The following PPP4R3A variants were observed in gnomAD, a reference collection of about 807,000 sequenced individuals.
PPP4R3A encodes the protein serine/threonine-protein phosphatase 4 regulatory subunit 3A.
A neutral mutation model predicts 91.7 loss-of-function variants in PPP4R3A; 15 were observed. That is an observed-to-expected ratio of 0.16 (90% confidence interval 0.11 to 0.25). PPP4R3A has a LOEUF of 0.25. PPP4R3A is among the 10% of genes least tolerant of loss of function. The pLI, the probability that PPP4R3A is intolerant of heterozygous loss-of-function variation, is 1.00. For missense variants in PPP4R3A, 623 were observed against 998.4 expected (o/e 0.62, Z 5.07); for synonymous variants, 377 against 348.7 (o/e 1.08, Z -0.91).
intron 1 of PPP4R3A, among the ~76,000 whole-genome samples, chr14:91,495,262 A>G (rs1442953998): frequency 2.7e-5 from 4 of 147,470 alleles, no homozygotes; most frequent in Non-Finnish European, 3.0e-5. Context: ...ATATGAAATT[A>G]AAGAAGCCCA....
chr14:91,479,674 T>C (rs1889434432), intron 4 of PPP4R3A, among the ~76,000 whole-genome samples: 1 of 152,174 alleles, frequency 6.6e-6, no homozygotes. Flanking sequence ...CTCCCGAGTC[T>C]GGGATTACAG....
At chr14:91,475,462 A>G (rs966348339) in intron 7 of PPP4R3A, 4 of 228,390 alleles carry the variant, frequency 1.8e-5, no homozygotes, top group Admixed American at 1.1e-4. Flanking sequence ...AATCTACCCT[A>G]AAGTCAATGT....
chr14:91,509,787 G>A lies in PPP4R3A; in HGVS notation c.-140C>T. ...CACTGCCGCCGCTGGGCGCCGCGGG[G>A]CCGCGCCGCCGCCTGCATGGCCCGC... On this transcript the variant is annotated 5_prime_UTR_variant, in exon 1 of 15. Coordinates refer to ENST00000554943, the MANE Select transcript of PPP4R3A (RefSeq NM_001366432.2). The A allele has an allele frequency of 4.8e-6, 6 of 1,250,444 alleles. No individual in the cohort carries two copies. Among genetic ancestry groups the A allele is most frequent in the Non-Finnish European group, 6.0e-6 (6 of 1,001,726 alleles). The allele number at this position is 1,250,444 out of a possible 1,614,324, so 77.5% of individuals were successfully genotyped here. A position where few individuals can be genotyped will look rare whatever the true frequency, so the allele number is the denominator to read the frequency against.
rs757121424 is a variant in PPP4R3A at position 91,500,513 on chromosome 14, T to C, written c.142+8993A>G. Among the ~76,000 whole-genome samples, 52 of 152,162 alleles carry C rather than the reference T, an allele frequency of 3.4e-4. 1 individual carries two copies. Among genetic ancestry groups the C allele is most frequent in the Admixed American group, 5.2e-4 (8 of 15,266 alleles). The stretch of plus-strand genomic sequence containing the variant: ...CGCGCCTGGCCTCAATACTTGTTTT[T>C]TTAGGGCATCATCATACAGTCATTT... On this transcript the variant is annotated intron_variant, in intron 1 of 14. Coordinates refer to ENST00000554943, the MANE Select transcript of PPP4R3A (RefSeq NM_001366432.2).
At chr14:91,484,121 T>C (rs1037656974) in intron 3 of PPP4R3A, among the ~76,000 whole-genome samples, 22 of 152,254 alleles carry the variant, frequency 1.4e-4, no homozygotes, top group Admixed American at 3.3e-4. Flanking sequence ...ATAAATATAA[T>C]TGTTGGATGG....
chr14:91,478,787 C>A (rs569000344), intron 4 of PPP4R3A, among the ~76,000 whole-genome samples: 47 of 152,238 alleles, frequency 3.1e-4, no homozygotes, highest in African/African-American at 1.1e-3. Context: ...ACAAAATTTT[C>A]TAAACAGGAA....
chr14:91,495,753 T>C (rs938474327), intron 1 of PPP4R3A, among the ~76,000 whole-genome samples: 3 of 151,924 alleles, frequency 2.0e-5, no homozygotes, highest in Non-Finnish European at 2.9e-5. Flanking sequence ...CTTGTCTCTA[T>C]AAAAAAATTT....
intron 14 of PPP4R3A, among the ~76,000 whole-genome samples, chr14:91,460,436 A>G (rs1276414341): frequency 3.4e-5 from 5 of 149,150 alleles, no homozygotes; most frequent in Non-Finnish European, 6.0e-5. Context: ...CTCACGCCAG[A>G]AAAAAAAAAG....
intron 3 of PPP4R3A, among the ~76,000 whole-genome samples, chr14:91,485,418 G>A (rs1889823426): frequency 6.6e-6 from 1 of 152,184 alleles, no homozygotes; most frequent in African/African-American, 2.4e-5. Flanking sequence ...TTTCAAAAAG[G>A]CAGGTGGATA....
At chr14:91,469,776 C>T (rs531379997) in intron 10 of PPP4R3A, among the ~76,000 whole-genome samples, 1 of 152,154 alleles carries the variant, frequency 6.6e-6, no homozygotes, top group African/African-American at 2.4e-5. Flanking sequence ...GTTACCCAGG[C>T]TGGCCTAGAA....
intron 1 of PPP4R3A, among the ~76,000 whole-genome samples, chr14:91,505,218 TGAG>T (rs1396917543): frequency 6.6e-6 from 1 of 151,996 alleles, no homozygotes; most frequent in African/African-American, 2.4e-5. Context: ...TTTGGGAGGC[TGAG>T]GAGGGCGGAT....
intron 5 of PPP4R3A, 122 bp from the exon 6 acceptor site, chr14:91,476,646 A>G: frequency 1.4e-6 from 1 of 713,288 alleles, no homozygotes; most frequent in Non-Finnish European, 2.3e-6. Flanking sequence ...GCTCACTGCA[A>G]CCTCCACCTC....
chr14:91,476,975 T>C lies in PPP4R3A; in HGVS notation c.927A>G (p.Lys309=), dbSNP rs745394018. 1 of 1,600,214 alleles carries C rather than the reference T, an allele frequency of 6.2e-7. No individual in the cohort carries two copies. The highest frequency in any genetic ancestry group is 1.1e-5 in the South Asian group (1 of 89,060). The change falls in exon 5 of 15, where the codon AAA becomes AAG. Residue 309 remains lysine, a synonymous_variant. Coordinates refer to ENST00000554943, the MANE Select transcript of PPP4R3A (RefSeq NM_001366432.2). ...EIVGMLQEDE[K]FLTDLFAQLT... The stretch of plus-strand genomic sequence containing the variant: ...GTTGTGCAAACAAATCTGTCAGAAA[T>C]TTTTCATCTTCCTGTGAAACAAAGG...
chr14:91,458,697 A>T lies in PPP4R3A; in HGVS notation c.*62T>A. 6.2e-7 allele frequency: 1 copy of T among 1,612,404 alleles called. No individual in the cohort carries two copies. The highest frequency in any genetic ancestry group is 1.1e-5 in the South Asian group (1 of 90,880). The stretch of plus-strand genomic sequence containing the variant: ...CACTGCGCTTTGTTGTGGATTTTGT[A>T]TGGGGGAGGGGTGGAGAACCAGTTT... On this transcript the variant is annotated 3_prime_UTR_variant, in exon 15 of 15. Coordinates refer to ENST00000554943, the MANE Select transcript of PPP4R3A (RefSeq NM_001366432.2).
intron 10 of PPP4R3A, among the ~76,000 whole-genome samples, chr14:91,467,366 G>C (rs1009578579): frequency 2.6e-5 from 4 of 152,186 alleles, no homozygotes; most frequent in Non-Finnish European, 5.9e-5. Context: ...TCAATGTAAA[G>C]CACATTCTGC....
upstream of PPP4R3A, chr14:91,510,445 G>A (rs2140187391): frequency 6.5e-6 from 1 of 152,868 alleles, no homozygotes; most frequent in East Asian, 1.9e-4. Context: ...TTGCCGAGGT[G>A]GCGGGAGCGC....
At chr14:91,480,167 A>T (rs1889467508) in intron 4 of PPP4R3A, among the ~76,000 whole-genome samples, 1 of 152,252 alleles carries the variant, frequency 6.6e-6, no homozygotes, top group Non-Finnish European at 1.5e-5. Flanking sequence ...AAAAATCTAC[A>T]TTTTAATAAG....
chr14:91,475,984 TTA>T lies in PPP4R3A; in HGVS notation c.1111-20_1111-19del, dbSNP rs755047959. ...TCCATGCCCTGCAGACAAAAAACATTTATTTTTCCTGTATTTATAAAAATACG... is the reference window on the plus strand; with the variant it reads ...TCCATGCCCTGCAGACAAAAAACATTTTTTTCCTGTATTTATAAAAATACG... On this transcript the variant is annotated intron_variant, in intron 6 of 14. Transcript: ENST00000554943. 2.8e-5 allele frequency: 43 copies of T among 1,520,232 alleles called. No individual in the cohort carries two copies. In the Middle Eastern group the frequency reaches 3.4e-3, roughly 119 times the overall value. 94.2% of individuals were successfully genotyped at this position (1,520,232 alleles called of 1,614,324 possible).
intron 1 of PPP4R3A, among the ~76,000 whole-genome samples, chr14:91,498,457 G>C (rs1261422540): frequency 1.3e-5 from 2 of 151,958 alleles, no homozygotes; most frequent in Admixed American, 6.6e-5. Flanking sequence ...TTTTCCTAAA[G>C]TCTGTTTTAA....
Sources: allele counts gnomAD v4.1 joint callset (sites outside exome capture counted in the v4.1 genomes callset), GRCh38; gene constraint gnomAD v4.1.1; transcripts MANE v1.5; gene names NCBI Gene and HGNC (gene_info 2026-07-23, HGNC 2026-07-21).